Variants in UNC119B observed in about 807,000 individuals in gnomAD.
The protein encoded by UNC119B is protein unc-119 homolog B.
A neutral mutation model predicts 23.4 loss-of-function variants in UNC119B; 16 were observed. The observed-to-expected ratio is 0.68, with a 90% CI of 0.46 to 1.04. UNC119B has a LOEUF of 1.04. UNC119B is among the 50% of genes least tolerant of loss of function. The probability of loss-of-function intolerance (pLI) is 0.00; values close to 1 mark genes in which losing one functional copy is unlikely to be tolerated. For missense variants in UNC119B, 350 were observed against 361.3 expected, an observed-to-expected ratio of 0.97 and a Z score of 0.25; for synonymous variants, 144 against 145.4, an observed-to-expected ratio of 0.99 and a Z score of 0.07.
chr12:120,718,756 G>T (rs1173251962), intron 4 of UNC119B, among the ~76,000 whole-genome samples: 2 of 152,212 alleles, frequency 1.3e-5, no homozygotes, highest in Non-Finnish European at 2.9e-5. Context: ...GCCTGTAGTT[G>T]CCTTGCTGGC....
intron 4 of UNC119B, among the ~76,000 whole-genome samples, chr12:120,718,699 A>G (rs560945251): frequency 6.6e-6 from 1 of 152,312 alleles, no homozygotes; most frequent in East Asian, 1.9e-4. Context: ...GTTAGGGAAA[A>G]TTCAAGTCAT....
chr12:120,720,187 C>T lies in UNC119B; in HGVS notation c.*155C>T, dbSNP rs867607087. 28 of 611,012 alleles carry T rather than the reference C, an allele frequency of 4.6e-5. No individual in the cohort carries two copies. The Middle Eastern group carries it at 3.0e-3, about 66-fold the overall frequency. 37.8% of individuals were successfully genotyped at this position (611,012 alleles called of 1,614,324 possible). A position where few individuals can be genotyped will look rare whatever the true frequency, so the allele number is the denominator to read the frequency against. ...AGTTTCCTGCGCGCCAAAGGAGCTG[C>T]CAAACAGTGCTGTGTTTTCTTCCCC... is the stretch of plus-strand genomic sequence containing the variant. On this transcript the variant is annotated 3_prime_UTR_variant, in exon 5 of 5. Transcript: ENST00000344651.
Position 120,717,003 on chromosome 12 carries a change from G to T in UNC119B, c.604G>T (p.Glu202Ter). The T allele has an allele frequency of 6.2e-7, 1 of 1,610,628 alleles. No individual in the cohort carries two copies. Among genetic ancestry groups the T allele is most frequent in the South Asian group, 1.1e-5 (1 of 90,604 alleles). ...FCIPSSRNTC[E>*]HIYEFPQLSE... Reference sequence around the variant, plus strand: ...CATCCCCAGCAGTAGGAACACTTGTGAACATATCTATGAGTTTCCCCAGCT... The same window carrying T: ...CATCCCCAGCAGTAGGAACACTTGTTAACATATCTATGAGTTTCCCCAGCT... Residue 202 changes from glutamate to a stop codon, truncating the protein, a stop_gained, in exon 4 of 5, where the codon GAA becomes TAA. Transcript: ENST00000344651. LOFTEE classifies it high-confidence loss of function.
chr12:120,713,277 A>G lies in UNC119B; in HGVS notation c.248A>G (p.Tyr83Cys), dbSNP rs1882705851. 6.2e-7 allele frequency: 1 copy of G among 1,603,840 alleles called. No homozygotes were observed. Among genetic ancestry groups the G allele is most frequent in the African/African-American group, 1.3e-5 (1 of 74,510 alleles). ...VLRLSRVTEN[Y>C]LCKPEDNIYS... ...GGTTTCTCTCTCTTGTTTTCAGATT[A>G]TTTATGTAAACCCGAAGACAACATC... The change falls in exon 2 of 5, where the codon TAT becomes TGT. Residue 83 changes from tyrosine to cysteine, a missense_variant. Tyr to Cys is a radical substitution (Grantham distance 194). Coordinates refer to ENST00000344651, the MANE Select transcript of UNC119B (RefSeq NM_001080533.3).
At chr12:120,715,657 C>T (rs2136930823) in intron 2 of UNC119B, among the ~76,000 whole-genome samples, 1 of 151,736 alleles carries the variant, frequency 6.6e-6, no homozygotes, top group East Asian at 1.9e-4. Context: ...CCTCAGCCTT[C>T]CGAGTAGCTG....
chr12:120,719,375 G>A (rs1882843317), intron 4 of UNC119B, among the ~76,000 whole-genome samples: 2 of 152,324 alleles, frequency 1.3e-5, no homozygotes, highest in South Asian at 4.1e-4. Flanking sequence ...AATCATTTGC[G>A]AGTTAATACC....
At chr12:120,716,532 T>C in intron 2 of UNC119B, 96 bp from the exon 3 acceptor site, 1 of 1,249,830 alleles carries the variant, frequency 8.0e-7, no homozygotes, top group Non-Finnish European at 1.2e-6. Flanking sequence ...GTGTGGTTAC[T>C]GGGATTGGTT....
At chr12:120,713,453 T>C in intron 2 of UNC119B, 66 bp downstream of exon 2, 1 of 1,226,904 alleles carries the variant, frequency 8.2e-7, no homozygotes, top group South Asian at 1.3e-5. Context: ...ACTCAAATCT[T>C]TGTGTGCCAC....
Position 120,710,521 on chromosome 12 carries a change from G to C in UNC119B, c.47G>C (p.Gly16Ala). 7.3e-7 allele frequency: 1 copy of C among 1,366,828 alleles called. No homozygotes were observed. The highest frequency in any genetic ancestry group is 9.4e-7 in the Non-Finnish European group (1 of 1,066,478). 84.7% of individuals were successfully genotyped at this position (1,366,828 alleles called of 1,614,324 possible). Residue 16 changes from glycine to alanine, a missense_variant, in exon 1 of 5, where the codon GGG becomes GCG. Coordinates refer to ENST00000344651, the MANE Select transcript of UNC119B (RefSeq NM_001080533.3). ...PKAAAAASAA[G>A]PGGLVAGKEE... ...GCTGCGGCCGCGGCGTCGGCGGCTG[G>C]GCCCGGGGGGCTGGTGGCTGGCAAG...
At chr12:120,713,711 C>A (rs1014634243) in intron 2 of UNC119B, among the ~76,000 whole-genome samples, 1 of 152,204 alleles carries the variant, frequency 6.6e-6, no homozygotes, top group East Asian at 1.9e-4. Flanking sequence ...CCAGGCGGCT[C>A]TTTCCTAAGG....
chr12:120,719,859 C>A, intron 4 of UNC119B, 61 bp from the exon 5 acceptor site: 1 of 1,237,126 alleles, frequency 8.1e-7, no homozygotes, highest in South Asian at 1.2e-5. Flanking sequence ...CCCACCTACC[C>A]TGTGGGGCAG....
intron 2 of UNC119B, among the ~76,000 whole-genome samples, chr12:120,715,001 C>T (rs559916008): frequency 8.5e-5 from 13 of 152,156 alleles, no homozygotes; most frequent in African/African-American, 2.9e-4. Flanking sequence ...CCAGCCTGGG[C>T]AACATGGCAA....
At position 120,710,518 on chromosome 12, in the gene UNC119B, C is replaced by T; in HGVS notation, c.44C>T (p.Ala15Val). The change falls in exon 1 of 5, where the codon GCT (alanine) becomes GTT (valine). Residue 15 changes from alanine (A) to valine (V), a missense_variant. Ala to Val is a moderately conservative substitution (Grantham distance 64, BLOSUM62 0). Coordinates refer to ENST00000344651, the MANE Select transcript of UNC119B (RefSeq NM_001080533.3). Reference sequence around the variant, plus strand: ...AAGGCTGCGGCCGCGGCGTCGGCGGCTGGGCCCGGGGGGCTGGTGGCTGGC... The same window carrying T: ...AAGGCTGCGGCCGCGGCGTCGGCGGTTGGGCCCGGGGGGCTGGTGGCTGGC... ...NPKAAAAASA[A>V]GPGGLVAGKE... is the part of the protein sequence containing the mutation. The T allele has an allele frequency of 7.3e-7, 1 of 1,364,614 alleles. No homozygotes were observed. The highest frequency in any genetic ancestry group is 1.8e-5 in the South Asian group (1 of 57,072). 84.5% of individuals were successfully genotyped at this position (1,364,614 alleles called of 1,614,324 possible). A position where few individuals can be genotyped will look rare whatever the true frequency, so the allele number is the denominator to read the frequency against.
intron 2 of UNC119B, 132 bp from the exon 3 acceptor site, chr12:120,716,496 G>A (rs1240938306): frequency 1.1e-6 from 1 of 936,332 alleles, no homozygotes; most frequent in Non-Finnish European, 1.7e-6. Context: ...CAAGTGCGCA[G>A]TAAACACTGG....
intron 4 of UNC119B, 25 bp from the exon 5 acceptor site, chr12:120,719,895 T>C (rs1566020897): frequency 6.4e-7 from 1 of 1,564,480 alleles, no homozygotes. Flanking sequence ...TTTGCTTTTT[T>C]CTTCCCCCTT....
In UNC119B at chr12:120,710,723, G is replaced by A; in HGVS notation, c.244+5G>A. 1.5e-6 allele frequency: 2 copies of A among 1,373,246 alleles called. No homozygotes were observed. The highest frequency in any genetic ancestry group is 1.6e-5 in the South Asian group (1 of 61,650). The allele number at this position is 1,373,246 out of a possible 1,614,324, so 85.1% of individuals were successfully genotyped here. ...GCCTCAGCCGGGTCACCGAGAGTGA[G>A]TGCCGCGCGGGCCGCGCCCTCCCCT... is the stretch of plus-strand genomic sequence containing the variant. On this transcript the variant is annotated splice_donor_5th_base_variant and intron_variant, in intron 1 of 4. Transcript: ENST00000344651.
Position 120,710,689 on chromosome 12 carries a change from A to G in UNC119B, c.215A>G (p.His72Arg). 6.9e-7 allele frequency: 1 copy of G among 1,443,386 alleles called. No homozygotes were observed. Among genetic ancestry groups the G allele is most frequent in the Non-Finnish European group, 9.1e-7 (1 of 1,102,364 alleles). 89.4% of individuals were successfully genotyped at this position (1,443,386 alleles called of 1,614,324 possible). A position where few individuals can be genotyped will look rare whatever the true frequency, so the allele number is the denominator to read the frequency against. ...GCGCTGGACACCATCCGGCCCGAGC[A>G]CGTCCTGCGCCTCAGCCGGGTCACC... ...LLALDTIRPE[H>R]VLRLSRVTEN... is the part of the protein sequence containing the mutation. Residue 72 changes from histidine (H) to arginine (R), a missense_variant, in exon 1 of 5, where the codon CAC (histidine) becomes CGC (arginine). His to Arg is a conservative substitution (Grantham distance 29). Coordinates refer to ENST00000344651, the MANE Select transcript of UNC119B (RefSeq NM_001080533.3).
chr12:120,716,567 A>G, intron 2 of UNC119B, 61 bp from the exon 3 acceptor site: 3 of 1,577,360 alleles, frequency 1.9e-6, no homozygotes, highest in Non-Finnish European at 2.6e-6. Flanking sequence ...GGGACTGGTG[A>G]TAGAACTCTT....
At chr12:120,717,819 C>T (rs12829722) in intron 4 of UNC119B, among the ~76,000 whole-genome samples, 31,094 of 151,242 alleles carry the variant, frequency 0.21, 3,907 homozygotes, top group Middle Eastern at 0.36. Context: ...GCCTCATCCT[C>T]CCAAAGTACT....
Sources: gnomAD v4.1 joint callset for allele counts (sites outside exome capture counted in the v4.1 genomes callset) on GRCh38, gnomAD v4.1.1 for gene constraint, MANE v1.5 for transcripts, NCBI Gene and HGNC (gene_info 2026-07-23, HGNC 2026-07-21) for gene names.